Variants in FBXO3 observed in about 807,000 individuals in gnomAD.
The protein encoded by FBXO3 is F-box only protein 3.
In FBXO3, 17 loss-of-function variants were observed where a neutral mutation model predicts 64.8. The observed-to-expected ratio is 0.26, with a 90% CI of 0.18 to 0.39. The LOEUF (loss-of-function observed/expected upper bound fraction) is 0.39. Ranked by LOEUF, FBXO3 falls within the 10% of genes least tolerant of loss-of-function variation. FBXO3 has a pLI of 1.00. For synonymous variants in FBXO3, 182 were observed against 201.6 expected (o/e 0.90, Z 0.82); for missense variants, 420 against 589.9 (o/e 0.71, Z 2.98).
chr11:33,766,526 GAA>G (rs1309319591), intron 3 of FBXO3, among the ~76,000 whole-genome samples: 1 of 152,202 alleles, frequency 6.6e-6, no homozygotes. Context: ...GTCCTTTAAA[GAA>G]AAAGTTTGCC....
Position 33,742,071 on chromosome 11 carries a change from T to C in FBXO3, c.1253A>G (p.Asp418Gly). ...CTCTTCTTCCATCTCTTCATATTCATCAGGACCCATTTCCTTGAAAGAGAA... is the reference window on the plus strand; with the variant it reads ...CTCTTCTTCCATCTCTTCATATTCACCAGGACCCATTTCCTTGAAAGAGAA... ...VSIARLEMGP[D>G]EYEEMEEEEE... is the part of the protein sequence containing the mutation. Residue 418 changes from aspartate (D) to glycine (G), a missense_variant, in exon 11 of 11, where the codon GAT becomes GGT. Physicochemically the swap from Asp to Gly is moderately conservative, Grantham distance 94. Transcript: ENST00000265651. 1 of 1,594,582 alleles carries C rather than the reference T, an allele frequency of 6.3e-7. No homozygotes were observed. Among genetic ancestry groups the C allele is most frequent in the Non-Finnish European group, 8.5e-7 (1 of 1,171,264 alleles).
intron 3 of FBXO3, among the ~76,000 whole-genome samples, chr11:33,761,752 T>C (rs535055363): frequency 6.6e-6 from 1 of 152,304 alleles, no homozygotes; most frequent in Admixed American, 6.5e-5. Context: ...CATCGTATGC[T>C]TAGGATCCTC....
At position 33,748,908 on chromosome 11, in the gene FBXO3, G is replaced by C; in HGVS notation, c.933-16C>G. 6.4e-7 allele frequency: 1 copy of C among 1,552,604 alleles called. No homozygotes were observed. Among genetic ancestry groups the C allele is most frequent in the African/African-American group, 1.4e-5 (1 of 73,734 alleles). On this transcript the variant is annotated splice_polypyrimidine_tract_variant and intron_variant, in intron 8 of 10. Transcript: ENST00000265651. ...CATTTCAATCCTAGAGAAGGGAATG[G>C]GGTGGTAGAGACAAAAATCTGGCTT...
At chr11:33,756,052 A>T (rs1257073681) in intron 4 of FBXO3, 77 bp from the exon 5 acceptor site, 11 of 1,172,978 alleles carry the variant, frequency 9.4e-6, no homozygotes, top group Non-Finnish European at 1.4e-5. Context: ...GATGAATAAT[A>T]ATTTCCCACT....
chr11:33,750,616 A>AGTAATATCC lies in FBXO3; in HGVS notation c.846_854dup (p.Asp283_Thr285dup). The AGTAATATCC allele has an allele frequency of 6.2e-7, 1 of 1,613,750 alleles. No individual in the cohort carries two copies. Among genetic ancestry groups the AGTAATATCC allele is most frequent in the Non-Finnish European group, 8.5e-7 (1 of 1,179,670 alleles). On this transcript the variant is annotated inframe_insertion, in exon 8 of 11. Transcript: ENST00000265651. ...GCAGAAACGATGTGGAAACTGACAC[A>AGTAATATCC]GTAATATCCCCAGTTGTTGCTACAC...
At chr11:33,752,923 CAG>C (rs1051672254) in intron 6 of FBXO3, among the ~76,000 whole-genome samples, 18 of 151,990 alleles carry the variant, frequency 1.2e-4, no homozygotes, top group African/African-American at 4.4e-4. Context: ...CAATACGTAC[CAG>C]AGTGTATTCT....
rs1435446403 is a variant in FBXO3 at position 33,742,000 on chromosome 11, T to C, written c.1324A>G (p.Met442Val). 1.2e-6 allele frequency: 2 copies of C among 1,604,838 alleles called. No individual in the cohort carries two copies. The highest frequency in any genetic ancestry group is 1.7e-6 in the Non-Finnish European group (2 of 1,171,548). ...EEDEDDDSAD[M>V]DESDEDDEEE... is the part of the protein sequence containing the mutation. ...TCATCATCTTCATCTGATTCATCCA[T>C]ATCTGCTGAATCATCATCCTCGTCT... is the stretch of plus-strand genomic sequence containing the variant. Residue 442 changes from methionine (M) to valine (V), a missense_variant, in exon 11 of 11, where the codon ATG becomes GTG. By Grantham distance (21) the Met-to-Val change is conservative. This residue lies in a region of FBXO3 where 57 missense variants were observed against 55.4 expected (regional missense o/e 1.03). Transcript: ENST00000265651.
intron 3 of FBXO3, among the ~76,000 whole-genome samples, chr11:33,765,757 T>C (rs916587782): frequency 9.2e-5 from 14 of 152,288 alleles, no homozygotes; most frequent in Middle Eastern, 3.4e-3. Context: ...GTCCTCAAGA[T>C]AGTGAGTGAC....
intron 1 of FBXO3, chr11:33,771,065 A>T (rs117896720): frequency 0.026 from 9,318 of 361,098 alleles, 186 homozygotes; most frequent in Non-Finnish European, 0.038. Context: ...CTACAACTGT[A>T]ATTTTTCACA....
chr11:33,747,140 A>G lies in FBXO3; in HGVS notation c.1229T>C (p.Ile410Thr). ...GAAAATTTAACTTACCAATCGGGCT[A>G]TAGACACCCTGAATGTTGGACATGC... ...HMACPTFRVS[I>T]ARLEMGPDEY... Residue 410 changes from isoleucine to threonine, a missense_variant, in exon 10 of 11, where the codon ATA (isoleucine) becomes ACA (threonine). By Grantham distance (89) the Ile-to-Thr change is moderately conservative. Coordinates refer to ENST00000265651, the MANE Select transcript of FBXO3 (RefSeq NM_012175.4). 1 of 1,611,572 alleles carries G rather than the reference A, an allele frequency of 6.2e-7. No individual in the cohort carries two copies. The highest frequency in any genetic ancestry group is 8.5e-7 in the Non-Finnish European group (1 of 1,179,450).
chr11:33,756,984 G>A, intron 4 of FBXO3: 1 of 518,294 alleles, frequency 1.9e-6, no homozygotes, highest in South Asian at 1.4e-5. Context: ...CTCCTGCGTT[G>A]GCATCCCAAA....
intron 3 of FBXO3, among the ~76,000 whole-genome samples, chr11:33,766,075 A>T (rs1444934223): frequency 7.2e-5 from 11 of 152,190 alleles, no homozygotes. Flanking sequence ...CTGTTTCTTC[A>T]TCCTCAAGAA....
rs139679298 is a variant in FBXO3 at position 33,748,934 on chromosome 11, C to G, written c.933-42G>C. The G allele has an allele frequency of 4.5e-4, 610 of 1,350,174 alleles. 2 individuals carry two copies. The African/African-American group carries it at 5.4e-3, about 12-fold the overall frequency. The allele number at this position is 1,350,174 out of a possible 1,614,324, so 83.6% of individuals were successfully genotyped here. ...GGTGGTAGAGACAAAAATCTGGCTT[C>G]TTTGTTTCTTTGGTTTAAGAGATAC... On this transcript the variant is annotated intron_variant, in intron 8 of 10. Transcript: ENST00000265651.
chr11:33,767,401 G>A (rs1304070516), intron 3 of FBXO3, among the ~76,000 whole-genome samples: 1 of 152,150 alleles, frequency 6.6e-6, no homozygotes, highest in Non-Finnish European at 1.5e-5. Flanking sequence ...CCGGGTTCAC[G>A]CCATTCTCCT....
At chr11:33,750,111 C>A (rs966485880) in intron 8 of FBXO3, among the ~76,000 whole-genome samples, 1 of 152,068 alleles carries the variant, frequency 6.6e-6, no homozygotes, top group African/African-American at 2.4e-5. Context: ...TAATAAAATT[C>A]AATGTCTAAC....
intron 6 of FBXO3, chr11:33,753,620 T>C (rs1277982372): frequency 2.0e-5 from 3 of 152,216 alleles, no homozygotes; most frequent in African/African-American, 7.2e-5. Flanking sequence ...TATAACTTAC[T>C]AGGTAAGAGT....
At chr11:33,765,673 G>T (rs1353004861) in intron 3 of FBXO3, among the ~76,000 whole-genome samples, 1 of 152,098 alleles carries the variant, frequency 6.6e-6, no homozygotes, top group Non-Finnish European at 1.5e-5. Context: ...ATTGGAGGGG[G>T]GCCTGGTGGG....
intron 3 of FBXO3, among the ~76,000 whole-genome samples, chr11:33,765,096 C>T (rs1855335212): frequency 6.6e-6 from 1 of 152,102 alleles, no homozygotes; most frequent in South Asian, 2.1e-4. Context: ...GATCCTGGAA[C>T]AGAAAAAGGA....
At chr11:33,746,097 A>ACC in intron 10 of FBXO3, 1 of 152,370 alleles carries the variant, frequency 6.6e-6, no homozygotes, top group South Asian at 2.1e-4. Context: ...AATATTAAAG[A>ACC]AATTAAATTC....
Sources: gnomAD v4.1 joint callset for allele counts (sites outside exome capture counted in the v4.1 genomes callset) on GRCh38, gnomAD v4.1.1 for gene constraint, gnomAD v4.1.1 regional missense constraint, MANE v1.5 for transcripts, NCBI Gene and HGNC (gene_info 2026-07-23, HGNC 2026-07-21) for gene names.